Variants in ATP2B2 observed in about 807,000 individuals in gnomAD.
The protein encoded by ATP2B2 is ATPase plasma membrane Ca2+ transporting 2, also known as plasma membrane calcium-transporting ATPase 2.
Under a neutral mutation model 120.0 loss-of-function variants are expected in ATP2B2, and 15 were observed. That is an observed-to-expected ratio of 0.12 (90% CI 0.08 to 0.19). The LOEUF (loss-of-function observed/expected upper bound fraction) is 0.19, where lower values mean the gene tolerates loss of function less well. ATP2B2 is among the 10% of genes least tolerant of loss of function. ATP2B2 has a pLI of 1.00. For missense variants in ATP2B2, 1,045 were observed against 1,719.8 expected (o/e 0.61, Z 6.94); for synonymous variants, 694 against 700.3 (o/e 0.99, Z 0.14).
In ATP2B2 at chr3:10,350,485, G is replaced by T; in HGVS notation, c.2229C>A (p.Ile743=). Residue 743 remains isoleucine (I), a synonymous_variant, in exon 15 of 23, where the codon ATC becomes ATA. Transcript: ENST00000360273. ...DNINTARAIA[I]KCGIIHPGED... Reference sequence around the variant, plus strand: ...CCCCAGGATGGATGATGCCACACTTGATGGCGATGGCCCGAGCCGTGTTGA... The same window carrying T: ...CCCCAGGATGGATGATGCCACACTTTATGGCGATGGCCCGAGCCGTGTTGA... 6.2e-7 allele frequency: 1 copy of T among 1,614,238 alleles called. No homozygotes were observed. The highest frequency in any genetic ancestry group is 2.2e-5 in the East Asian group (1 of 44,884).
At chr3:10,368,579 T>G (rs2061133769) in intron 12 of ATP2B2, among the ~76,000 whole-genome samples, 1 of 151,268 alleles carries the variant, frequency 6.6e-6, no homozygotes, top group Non-Finnish European at 1.5e-5. Flanking sequence ...TATCCATGCA[T>G]CCACTCATCC....
At position 10,500,290 on chromosome 3, in the gene ATP2B2, A is replaced by T. The variant is rs530214565; in HGVS notation, c.-320+5175T>A. On this transcript the variant is annotated intron_variant, in intron 1 of 22. Transcript: ENST00000360273. ...GGGCCCTGGTTTCTGTAATCCGGAA[A>T]ATGGGTGATGGTGAAGAAGAGATAA... Among the ~76,000 whole-genome samples, 7 of 152,050 alleles carry T rather than the reference A, an allele frequency of 4.6e-5. No individual in the cohort carries two copies. In the East Asian group the frequency reaches 1.4e-3, roughly 30 times the overall value.
At chr3:10,537,048 G>A (rs60485448) in intron 2 of ATP2B2, among the ~76,000 whole-genome samples, 3,550 of 152,172 alleles carry the variant, frequency 0.023, 52 homozygotes, top group Middle Eastern at 0.085. Flanking sequence ...AAAATAGGTT[G>A]GGCATATTTG....
intron 1 of ATP2B2, among the ~76,000 whole-genome samples, chr3:10,691,195 A>C (rs1392649590): frequency 6.6e-6 from 1 of 152,184 alleles, no homozygotes; most frequent in African/African-American, 2.4e-5. Context: ...AGTTTCTTGG[A>C]GCCTCAGGGG....
chr3:10,574,455 G>A (rs982451412), intron 2 of ATP2B2, among the ~76,000 whole-genome samples: 14 of 152,292 alleles, frequency 9.2e-5, no homozygotes, highest in East Asian at 1.9e-4. Flanking sequence ...TCTGCCTGGC[G>A]TTCTCAGAGC....
chr3:10,591,282 G>A (rs1226778207), intron 2 of ATP2B2, among the ~76,000 whole-genome samples: 5 of 152,110 alleles, frequency 3.3e-5, no homozygotes, highest in South Asian at 2.1e-4. Flanking sequence ...GTTCCACAAC[G>A]CACTCTGTGG....
intron 3 of ATP2B2, among the ~76,000 whole-genome samples, chr3:10,513,954 G>A (rs1296951864): frequency 6.6e-6 from 1 of 152,132 alleles, no homozygotes; most frequent in Admixed American, 6.5e-5. Flanking sequence ...GAGGGGACAC[G>A]CCCGCAAATG....
rs777616024 is a variant in ATP2B2, at chr3:10,450,103, G to T, written c.-319-241C>A. On this transcript the variant is annotated intron_variant, in intron 1 of 22. Transcript: ENST00000360273. ...CACTCTAACTCCCTATTTGTGTGTTGTGCTGTGGAACACACTGGCTTCACA... is the reference window on the plus strand; with the variant it reads ...CACTCTAACTCCCTATTTGTGTGTTTTGCTGTGGAACACACTGGCTTCACA... 1.0e-3 allele frequency among the ~76,000 whole-genome samples: 158 copies of T among 152,070 alleles called. 2 individuals are homozygous for T. Among genetic ancestry groups the T allele is most frequent in the Non-Finnish European group, 4.0e-4 (27 of 68,006 alleles).
rs115488693 is a variant in ATP2B2, at chr3:10,346,870, A to G, written c.2405-733T>C. Among the ~76,000 whole-genome samples the G allele has an allele frequency of 0.017, 2,608 of 152,182 alleles. 76 individuals carry two copies. Among genetic ancestry groups the G allele is most frequent in the African/African-American group, 0.06 (2,476 of 41,486 alleles). ...ATGGGTCTCTCATTCTGCACATTGAATGTATCACCAAGGCCTGCCAATTCT... is the reference window on the plus strand; with the variant it reads ...ATGGGTCTCTCATTCTGCACATTGAGTGTATCACCAAGGCCTGCCAATTCT... On this transcript the variant is annotated intron_variant, in intron 16 of 22. Transcript: ENST00000360273. This position sits in a 1 kb window ranked among gnomAD's most constrained non-coding sequence, Gnocchi z 4.1.
chr3:10,688,720 C>T (rs947232207), intron 1 of ATP2B2, among the ~76,000 whole-genome samples: 5 of 152,178 alleles, frequency 3.3e-5, no homozygotes, highest in African/African-American at 9.7e-5. Context: ...CAGCAAAGTC[C>T]TTTACAAAAC....
intron 2 of ATP2B2, among the ~76,000 whole-genome samples, chr3:10,588,132 C>G (rs774429799): frequency 7.2e-5 from 11 of 152,340 alleles, no homozygotes; most frequent in Non-Finnish European, 1.3e-4. Context: ...ATTTCAGGTG[C>G]TGTGCTCAGC....
chr3:10,357,125 G>A (rs931469396), intron 14 of ATP2B2, among the ~76,000 whole-genome samples: 1 of 152,168 alleles, frequency 6.6e-6, no homozygotes, highest in Non-Finnish European at 1.5e-5. Flanking sequence ...CGTGTCCCTG[G>A]ATCTAGGGTA....
intron 2 of ATP2B2, among the ~76,000 whole-genome samples, chr3:10,600,402 A>G (rs565017349): frequency 2.0e-5 from 3 of 152,304 alleles, no homozygotes; most frequent in South Asian, 2.1e-4. Context: ...GAGTCCAGAC[A>G]TCGGACTTCC....
At chr3:10,371,367 T>C (rs2061236041) in intron 12 of ATP2B2, among the ~76,000 whole-genome samples, 1 of 152,186 alleles carries the variant, frequency 6.6e-6, no homozygotes, top group African/African-American at 2.4e-5. Flanking sequence ...AGAGGAGATG[T>C]CCACATGAAC....
chr3:10,537,905 T>G (rs2067353894), intron 2 of ATP2B2, among the ~76,000 whole-genome samples: 2 of 152,222 alleles, frequency 1.3e-5, no homozygotes, highest in African/African-American at 4.8e-5. Context: ...TACCATCATG[T>G]GATTTTCTTC....
intron 22 of ATP2B2, chr3:10,336,041 C>T: frequency 1.4e-6 from 2 of 1,438,726 alleles, no homozygotes; most frequent in Middle Eastern, 2.4e-4. Flanking sequence ...GACCGGCTGC[C>T]CCCCATGTCC....
intron 1 of ATP2B2, among the ~76,000 whole-genome samples, chr3:10,496,683 G>A (rs2066163179): frequency 6.6e-6 from 1 of 151,042 alleles, no homozygotes; most frequent in Middle Eastern, 3.4e-3. Flanking sequence ...CTCCAACCCC[G>A]CCCCTTCCCC....
chr3:10,492,563 T>A (rs573833), intron 1 of ATP2B2, among the ~76,000 whole-genome samples: 1 of 151,940 alleles, frequency 6.6e-6, no homozygotes, highest in African/African-American at 2.4e-5. Context: ...TTGTTCCAGA[T>A]GAGCTTCTGT....
intron 2 of ATP2B2, among the ~76,000 whole-genome samples, chr3:10,444,857 G>T (rs2063785729): frequency 6.6e-6 from 1 of 152,206 alleles, no homozygotes; most frequent in South Asian, 2.1e-4. Flanking sequence ...ATGAAAGGAG[G>T]GGCACTGGGA....
Sources: allele counts gnomAD v4.1 joint callset (sites outside exome capture counted in the v4.1 genomes callset), GRCh38; gene constraint gnomAD v4.1.1; non-coding constraint Gnocchi (gnomAD v3.1); transcripts MANE v1.5; gene names NCBI Gene and HGNC (gene_info 2026-07-23, HGNC 2026-07-21).